Variants in SPTB observed in about 807,000 individuals in gnomAD.
SPTB encodes spectrin beta, erythrocytic.
SPTB carries 45 observed loss-of-function variants against 256.2 expected under a neutral mutation model. That is an observed-to-expected ratio of 0.18 (90% CI 0.14 to 0.23). The LOEUF is 0.23. SPTB is among the 10% of genes least tolerant of loss of function. SPTB has a pLI of 1.00. For synonymous variants in SPTB, 1,231 were observed against 1,243.1 expected (o/e 0.99, Z 0.21); for missense variants, 2,715 against 3,040.4 (o/e 0.89, Z 2.52).
At chr14:64,869,972 T>C (rs1951495) in intron 1 of SPTB, among the ~76,000 whole-genome samples, 133,550 of 151,780 alleles carry the variant, frequency 0.88, 59,384 homozygotes, top group Non-Finnish European at 0.91. Context: ...CTCCCCTCCA[T>C]GTATAAAACA....
chr14:64,858,852 C>T (rs2083914559), intron 1 of SPTB, among the ~76,000 whole-genome samples: 1 of 152,144 alleles, frequency 6.6e-6, no homozygotes, highest in African/African-American at 2.4e-5. Context: ...TACCAGCTGC[C>T]TTAGCTTAAA....
intron 33 of SPTB, chr14:64,752,118 C>G: frequency 8.3e-7 from 1 of 1,204,346 alleles, no homozygotes; most frequent in South Asian, 1.3e-5. Flanking sequence ...AAACAAAACA[C>G]AAAAAAAGAC....
At position 64,749,055 on chromosome 14, in the gene SPTB, CCCAAAGGCG is replaced by C. The variant is rs1294110409; in HGVS notation, c.*242_*250del. 3 of 428,030 alleles carry C rather than the reference CCCAAAGGCG, an allele frequency of 7.0e-6. No individual in the cohort carries two copies. The highest frequency in any genetic ancestry group is 1.3e-5 in the Non-Finnish European group (3 of 238,740). 26.5% of individuals were successfully genotyped at this position (428,030 alleles called of 1,614,324 possible). A position where few individuals can be genotyped will look rare whatever the true frequency, so the allele number is the denominator to read the frequency against. ...GTTTCCTGCCCCCAGGCCTGGAGGC[CCCAAAGGCG>C]CCAGAGGAGCTGGGAGCCCCTGTCC... On this transcript the variant is annotated 3_prime_UTR_variant, in exon 36 of 36. Transcript: ENST00000644917. This position sits in a 1 kb window ranked among gnomAD's most constrained non-coding sequence, Gnocchi z 4.7.
At chr14:64,801,872 T>A (rs775912350) in intron 5 of SPTB, 38 bp from the exon 6 acceptor site, 21 of 1,581,808 alleles carry the variant, frequency 1.3e-5, no homozygotes, top group Admixed American at 1.7e-5. Flanking sequence ...AAGAATTAGA[T>A]TTTTTGTAGT....
intron 15 of SPTB, among the ~76,000 whole-genome samples, chr14:64,787,747 C>T (rs2269303): frequency 0.079 from 12,068 of 152,290 alleles, 493 homozygotes; most frequent in South Asian, 0.13. Context: ...ATAATCTTAA[C>T]CTTCGAGTGC....
At chr14:64,862,642 G>A (rs1461652993) in intron 1 of SPTB, among the ~76,000 whole-genome samples, 2 of 152,026 alleles carry the variant, frequency 1.3e-5, no homozygotes, top group Admixed American at 1.3e-4. Context: ...GGGAGGCCGA[G>A]GTGGGCAGAT....
At chr14:64,810,724 G>C (rs927034626) in intron 2 of SPTB, among the ~76,000 whole-genome samples, 1 of 152,032 alleles carries the variant, frequency 6.6e-6, no homozygotes, top group Non-Finnish European at 1.5e-5. Flanking sequence ...CATGGTAAAT[G>C]CTTTCTACAA....
chr14:64,866,105 G>A lies in SPTB; in HGVS notation c.-52+13687C>T, dbSNP rs972531969. Among the ~76,000 whole-genome samples the A allele has an allele frequency of 3.3e-5, 5 of 152,132 alleles. No individual in the cohort carries two copies. The highest frequency in any genetic ancestry group is 5.9e-5 in the Non-Finnish European group (4 of 68,034). ...AAACATCTATGAAATGAATAAGACT[G>A]TTCACTCAAAGAGCATGCAGTGAGG... is the stretch of plus-strand genomic sequence containing the variant. On this transcript the variant is annotated intron_variant, in intron 1 of 35. Coordinates refer to ENST00000644917, the MANE Select transcript of SPTB (RefSeq NM_001355436.2). This position sits in a 1 kb window ranked among gnomAD's most constrained non-coding sequence, Gnocchi z 4.6.
chr14:64,812,715 T>C (rs2083113793), intron 2 of SPTB, among the ~76,000 whole-genome samples: 1 of 152,060 alleles, frequency 6.6e-6, no homozygotes, highest in African/African-American at 2.4e-5. Context: ...ATCTGGGAAG[T>C]TCACCATCAA....
chr14:64,811,005 A>G (rs2083077916), intron 2 of SPTB, among the ~76,000 whole-genome samples: 1 of 151,990 alleles, frequency 6.6e-6, no homozygotes, highest in South Asian at 2.1e-4. Flanking sequence ...AATCCTAGCT[A>G]TTCAGGAGGC....
chr14:64,799,157 G>A (rs1452905516), intron 9 of SPTB, among the ~76,000 whole-genome samples: 1 of 152,254 alleles, frequency 6.6e-6, no homozygotes, highest in Non-Finnish European at 1.5e-5. Flanking sequence ...ACAGTTGTGT[G>A]TATGCATGGT....
chr14:64,767,660 C>T lies in SPTB; in HGVS notation c.6219+3G>A. 1 of 1,613,984 alleles carries T rather than the reference C, an allele frequency of 6.2e-7. No individual in the cohort carries two copies. Among genetic ancestry groups the T allele is most frequent in the Non-Finnish European group, 8.5e-7 (1 of 1,180,034 alleles). On this transcript the variant is annotated splice_donor_region_variant and intron_variant, in intron 30 of 35. Coordinates refer to ENST00000644917, the MANE Select transcript of SPTB (RefSeq NM_001355436.2). ...GAGCCTCCCAGCACTGTTCCCTGCTCACCGTGGTGGGCTTCTCCAGGGCAG... is the reference window on the plus strand; with the variant it reads ...GAGCCTCCCAGCACTGTTCCCTGCTTACCGTGGTGGGCTTCTCCAGGGCAG...
chr14:64,877,971 G>A (rs1257735570), intron 1 of SPTB, among the ~76,000 whole-genome samples: 3 of 152,200 alleles, frequency 2.0e-5, no homozygotes, highest in African/African-American at 7.2e-5. Context: ...TTCTGGGCAA[G>A]CCGCTCAGGA....
At chr14:64,857,130 G>A (rs1044406204) in intron 1 of SPTB, among the ~76,000 whole-genome samples, 6 of 152,170 alleles carry the variant, frequency 3.9e-5, no homozygotes, top group African/African-American at 1.4e-4. Flanking sequence ...ACACAAATTT[G>A]ATAGTGAGGG....
chr14:64,823,184 C>T lies in SPTB; in HGVS notation c.-51-39G>A. ...ACACAGTCAGAGGGTTATCTCTCTA[C>T]CCCCTCGGACTTTTTCTCCGGGGAA... On this transcript the variant is annotated intron_variant, in intron 1 of 35. Transcript: ENST00000644917. The surrounding 1 kb of genome is among the most constrained non-coding windows in gnomAD (Gnocchi z 6.5). 1 of 1,513,556 alleles carries T rather than the reference C, an allele frequency of 6.6e-7. No individual in the cohort carries two copies. The highest frequency in any genetic ancestry group is 1.1e-5 in the South Asian group (1 of 88,358). The allele number at this position is 1,513,556 out of a possible 1,614,324, so 93.8% of individuals were successfully genotyped here. A position where few individuals can be genotyped will look rare whatever the true frequency, so the allele number is the denominator to read the frequency against.
intron 2 of SPTB, among the ~76,000 whole-genome samples, chr14:64,808,675 C>T (rs1485693422): frequency 6.6e-6 from 1 of 152,128 alleles, no homozygotes; most frequent in African/African-American, 2.4e-5. Flanking sequence ...TCACTCTCCC[C>T]AAGGCCTTAA....
In SPTB at chr14:64,775,026, C is replaced by T; in HGVS notation, c.4842+99G>A. The T allele has an allele frequency of 6.4e-7, 1 of 1,564,922 alleles. No individual in the cohort carries two copies. Among genetic ancestry groups the T allele is most frequent in the Non-Finnish European group, 8.8e-7 (1 of 1,140,544 alleles). ...CTTGTGCCCCTCCCCTGGCCTCACT[C>T]CTCACACAGTTGGACTCACAAGGCT... On this transcript the variant is annotated intron_variant, in intron 23 of 35. Coordinates refer to ENST00000644917, the MANE Select transcript of SPTB (RefSeq NM_001355436.2). The surrounding 1 kb of genome is among the most constrained non-coding windows in gnomAD (Gnocchi z 5.0).
chr14:64,846,874 T>C (rs1280147566), intron 1 of SPTB, among the ~76,000 whole-genome samples: 1 of 152,186 alleles, frequency 6.6e-6, no homozygotes, highest in Non-Finnish European at 1.5e-5. Flanking sequence ...AGTTTAGCTG[T>C]TAAGGTGAGA....
In SPTB at chr14:64,777,987, A is replaced by G. The variant is rs868704990; in HGVS notation, c.4563+1170T>C. Among the ~76,000 whole-genome samples, 11 of 152,320 alleles carry G rather than the reference A, an allele frequency of 7.2e-5. No homozygotes were observed. The South Asian group carries it at 1.9e-3, about 26-fold the overall frequency. On this transcript the variant is annotated intron_variant, in intron 22 of 35. Coordinates refer to ENST00000644917, the MANE Select transcript of SPTB (RefSeq NM_001355436.2). This position sits in a 1 kb window ranked among gnomAD's most constrained non-coding sequence, Gnocchi z 4.5. Reference sequence around the variant, plus strand: ...ATAGAATCAAAAATCCTAGTGTTGGAAAGACTAGAGTTGGCTCATTTTACA... The same window carrying G: ...ATAGAATCAAAAATCCTAGTGTTGGGAAGACTAGAGTTGGCTCATTTTACA...
Sources: allele counts gnomAD v4.1 joint callset (sites outside exome capture counted in the v4.1 genomes callset), GRCh38; gene constraint gnomAD v4.1.1; non-coding constraint Gnocchi (gnomAD v3.1); transcripts MANE v1.5; gene names NCBI Gene and HGNC (gene_info 2026-07-23, HGNC 2026-07-21).